The following HECW1 variants were observed in gnomAD, a reference collection of about 807,000 sequenced individuals.
The protein encoded by HECW1 is E3 ubiquitin-protein ligase HECW1.
Under a neutral mutation model 182.3 loss-of-function variants are expected in HECW1, and 61 were observed. That is an observed-to-expected ratio of 0.33 (90% CI 0.27 to 0.41). The LOEUF is 0.41. HECW1 is among the 10% of genes least tolerant of loss of function. The pLI is 1.00. For synonymous variants in HECW1, 859 were observed against 832.6 expected (o/e 1.03, Z -0.55); for missense variants, 1,739 against 2,108.9 (o/e 0.82, Z 3.44).
Position 43,564,220 on chromosome 7 carries a change from A to G in HECW1, c.*2294A>G, listed in dbSNP as rs182473302. 1 of 191,664 alleles carries G rather than the reference A, an allele frequency of 5.2e-6. No homozygotes were observed. Among genetic ancestry groups the G allele is most frequent in the African/African-American group, 2.3e-5 (1 of 43,008 alleles). 11.9% of individuals were successfully genotyped at this position (191,664 alleles called of 1,614,324 possible). A position where few individuals can be genotyped will look rare whatever the true frequency, so the allele number is the denominator to read the frequency against. On this transcript the variant is annotated 3_prime_UTR_variant, in exon 30 of 30. Transcript: ENST00000395891. The stretch of plus-strand genomic sequence containing the variant: ...CATCTCTAATATAGGGGCATCTTTT[A>G]TCTTTAGAACTTGGTGTTATATATA...
intron 17 of HECW1, among the ~76,000 whole-genome samples, chr7:43,490,736 G>A (rs1382171899): frequency 6.6e-6 from 1 of 152,020 alleles, no homozygotes; most frequent in Non-Finnish European, 1.5e-5. Context: ...ATTTAAAATT[G>A]AGCTAAGTTA....
At chr7:43,394,404 C>T (rs528785177) in intron 6 of HECW1, among the ~76,000 whole-genome samples, 1 of 152,282 alleles carries the variant, frequency 6.6e-6, no homozygotes, top group African/African-American at 2.4e-5. Flanking sequence ...TTCTAGGTCC[C>T]ATTGCTCCAT....
chr7:43,327,430 C>T (rs550162054), intron 5 of HECW1, among the ~76,000 whole-genome samples: 18 of 152,180 alleles, frequency 1.2e-4, no homozygotes, highest in African/African-American at 3.1e-4. Context: ...TGAAGTAATT[C>T]GTGTTGCTTA....
intron 2 of HECW1, among the ~76,000 whole-genome samples, chr7:43,144,674 T>G (rs746410417): frequency 6.6e-6 from 1 of 152,180 alleles, no homozygotes; most frequent in Non-Finnish European, 1.5e-5. Flanking sequence ...TTTTCTTGTT[T>G]CTTTGTCTGT....
rs147221387 is a variant in HECW1, at chr7:43,169,722, G to A, written c.-32+55331G>A. Among the ~76,000 whole-genome samples the A allele has an allele frequency of 1.4e-4, 18 of 127,524 alleles. No homozygotes were observed. The East Asian group carries it at 2.9e-3, about 21-fold the overall frequency. 83.7% of individuals were successfully genotyped at this position (127,524 alleles called of 152,430 possible). On this transcript the variant is annotated intron_variant, in intron 2 of 29. Transcript: ENST00000395891. ...TTTTTTTTTTTTGAGACGGAGTCTCGCTGTCGCCCAGGCTAGAGTACAGTG... is the reference window on the plus strand; with the variant it reads ...TTTTTTTTTTTTGAGACGGAGTCTCACTGTCGCCCAGGCTAGAGTACAGTG...
Position 43,456,377 on chromosome 7 carries a change from A to G in HECW1, c.2581A>G (p.Thr861Ala). ...CCGCACAACCACCTGGCAGCGTCCG[A>G]CGGCAGCAGCCACCCCGGATGGCAT... ...VNRTTTWQRP[T>A]AAATPDGMRR... Residue 861 changes from threonine to alanine, a missense_variant, in exon 13 of 30, where the codon ACG becomes GCG. This residue lies in a region of HECW1 where 971 missense variants were observed against 1,029.1 expected (regional missense o/e 0.94). Transcript: ENST00000395891. 6.2e-7 allele frequency: 1 copy of G among 1,614,062 alleles called. No homozygotes were observed. Among genetic ancestry groups the G allele is most frequent in the Non-Finnish European group, 8.5e-7 (1 of 1,179,962 alleles).
At chr7:43,502,365 A>G (rs938514050) in intron 21 of HECW1, among the ~76,000 whole-genome samples, 3 of 152,252 alleles carry the variant, frequency 2.0e-5, no homozygotes, top group Non-Finnish European at 4.4e-5. Flanking sequence ...TAGTGAATAA[A>G]AGATATTTTC....
chr7:43,561,175 A>G (rs1281452887), intron 29 of HECW1, among the ~76,000 whole-genome samples: 1 of 152,246 alleles, frequency 6.6e-6, no homozygotes, highest in Non-Finnish European at 1.5e-5. Context: ...CTGGCCATGC[A>G]GGAGGAAGCA....
At chr7:43,513,570 C>T (rs141262805) in intron 24 of HECW1, among the ~76,000 whole-genome samples, 5 of 152,270 alleles carry the variant, frequency 3.3e-5, no homozygotes, top group African/African-American at 9.6e-5. Flanking sequence ...ATTCCACCCA[C>T]TTCCTTTCTT....
chr7:43,239,618 T>C (rs987701389), intron 2 of HECW1, among the ~76,000 whole-genome samples: 3 of 152,254 alleles, frequency 2.0e-5, no homozygotes, highest in Non-Finnish European at 4.4e-5. Flanking sequence ...AAATCCTAAA[T>C]GCCAATTGTC....
chr7:43,311,696 C>T (rs769847584), intron 3 of HECW1, 67 bp from the exon 4 acceptor site: 19 of 1,450,200 alleles, frequency 1.3e-5, no homozygotes, highest in African/African-American at 4.2e-5. Flanking sequence ...CTTTCGTTTT[C>T]GTGTGATGAC....
intron 2 of HECW1, among the ~76,000 whole-genome samples, chr7:43,169,105 C>A (rs1174753143): frequency 6.6e-6 from 1 of 151,986 alleles, no homozygotes; most frequent in Non-Finnish European, 1.5e-5. Flanking sequence ...AAATGCTCTC[C>A]CTCAATTTAC....
chr7:43,519,219 G>C (rs1270151363), intron 24 of HECW1, among the ~76,000 whole-genome samples: 1 of 151,592 alleles, frequency 6.6e-6, no homozygotes, highest in East Asian at 1.9e-4. Flanking sequence ...GAGGTAGGGA[G>C]CAATCACATG....
At chr7:43,201,298 A>G (rs1794996525) in intron 2 of HECW1, among the ~76,000 whole-genome samples, 1 of 152,208 alleles carries the variant, frequency 6.6e-6, no homozygotes, top group African/African-American at 2.4e-5. Flanking sequence ...GAAGCTGGAA[A>G]TGCAGATTTC....
intron 26 of HECW1, among the ~76,000 whole-genome samples, chr7:43,548,201 G>C (rs1171047748): frequency 6.6e-6 from 1 of 152,066 alleles, no homozygotes; most frequent in East Asian, 1.9e-4. Context: ...TGATAAAATA[G>C]ACTAGTATCT....
chr7:43,377,574 G>C (rs1332208383), intron 6 of HECW1, among the ~76,000 whole-genome samples: 1 of 151,946 alleles, frequency 6.6e-6, no homozygotes, highest in East Asian at 1.9e-4. Context: ...TTCTCCGGTG[G>C]GCTGTTTCCT....
chr7:43,145,713 A>G (rs910871258), intron 2 of HECW1, among the ~76,000 whole-genome samples: 3 of 152,206 alleles, frequency 2.0e-5, no homozygotes, highest in Admixed American at 6.5e-5. Flanking sequence ...GATAATTTCA[A>G]ACTCTCTGTT....
intron 6 of HECW1, among the ~76,000 whole-genome samples, chr7:43,384,634 A>T (rs2074695708): frequency 6.6e-6 from 1 of 152,252 alleles, no homozygotes; most frequent in Admixed American, 6.5e-5. Context: ...GCCTTTAAAA[A>T]AAATCATTTT....
chr7:43,163,642 A>G (rs1475255604), intron 2 of HECW1, among the ~76,000 whole-genome samples: 1 of 152,184 alleles, frequency 6.6e-6, no homozygotes, highest in Non-Finnish European at 1.5e-5. Context: ...TTCAGTGACC[A>G]GTTATGACCC....
Sources: allele counts gnomAD v4.1 joint callset (sites outside exome capture counted in the v4.1 genomes callset), GRCh38; gene constraint gnomAD v4.1.1; regional missense constraint gnomAD v4.1.1; transcripts MANE v1.5; gene names NCBI Gene and HGNC (gene_info 2026-07-23, HGNC 2026-07-21).